Variants in ACYP2 observed in about 807,000 individuals in gnomAD.
ACYP2 encodes acylphosphatase-2.
Under a neutral mutation model 11.2 loss-of-function variants are expected in ACYP2, and 12 were observed. The observed-to-expected ratio is 1.08, with a 90% CI of 0.69 to 1.74. The LOEUF is 1.74. Ranked by LOEUF, ACYP2 falls within the 40% of genes most tolerant of loss-of-function variation. The pLI is 0.00. For missense variants in ACYP2, 134 were observed against 101.9 expected, an observed-to-expected ratio of 1.31 and a Z score of -1.35; for synonymous variants, 43 against 32.2, an observed-to-expected ratio of 1.33 and a Z score of -1.13.
chr2:54,147,320 G>A lies in ACYP2; in HGVS notation c.404+8572G>A. ...ACTTATGGGCTTGAGGAATGGTGGT[G>A]ACTGGGTGGGGAACTGGCATTTTTG... On this transcript the variant is annotated intron_variant, in intron 6 of 6. Coordinates refer to ENST00000607452, the MANE Select transcript of ACYP2 (RefSeq NM_001320586.2). 1.3e-5 allele frequency among the ~76,000 whole-genome samples: 2 copies of A among 152,104 alleles called. 1 individual carries two copies. Among genetic ancestry groups the A allele is most frequent in the Non-Finnish European group, 2.9e-5 (2 of 68,020 alleles).
chr2:54,233,145 A>G (rs1686315972), intron 6 of ACYP2, among the ~76,000 whole-genome samples: 1 of 151,792 alleles, frequency 6.6e-6, no homozygotes, highest in South Asian at 2.1e-4. Context: ...TATTAATGTG[A>G]TAAGTTACAC....
chr2:54,081,663 A>G lies in ACYP2; in HGVS notation c.277+24303A>G, dbSNP rs554059481. ...CAACGTTAAGGCTATTCACAATGTTAACTGATGCATGACTCTACATACCTG... is the reference window on the plus strand; with the variant it reads ...CAACGTTAAGGCTATTCACAATGTTGACTGATGCATGACTCTACATACCTG... On this transcript the variant is annotated intron_variant, in intron 4 of 6. Coordinates refer to ENST00000607452, the MANE Select transcript of ACYP2 (RefSeq NM_001320586.2). 9.8e-5 allele frequency among the ~76,000 whole-genome samples: 15 copies of G among 152,334 alleles called. No individual in the cohort carries two copies. In the East Asian group the frequency reaches 2.7e-3, roughly 27 times the overall value.
intron 4 of ACYP2, among the ~76,000 whole-genome samples, chr2:54,103,025 G>A (rs945621902): frequency 2.6e-5 from 4 of 152,122 alleles, no homozygotes; most frequent in African/African-American, 9.7e-5. Context: ...GTTAGGATTG[G>A]GTTATATGCC....
intron 3 of ACYP2, among the ~76,000 whole-genome samples, chr2:54,052,949 G>C (rs150361077): frequency 6.6e-6 from 1 of 152,324 alleles, no homozygotes; most frequent in East Asian, 1.9e-4. Flanking sequence ...TCCCTTCACT[G>C]ACTCATCTAT....
At chr2:54,020,172 G>A (rs1673926765) in intron 2 of ACYP2, among the ~76,000 whole-genome samples, 1 of 151,974 alleles carries the variant, frequency 6.6e-6, no homozygotes, top group African/African-American at 2.4e-5. Context: ...CCTGATCTCA[G>A]GTGATTCACC....
At chr2:54,169,245 G>A (rs997983890) in intron 6 of ACYP2, among the ~76,000 whole-genome samples, 5 of 152,108 alleles carry the variant, frequency 3.3e-5, no homozygotes, top group African/African-American at 1.2e-4. Flanking sequence ...GCATGCTTGC[G>A]TTCTTGGGTC....
At chr2:54,266,540 A>C (rs555492487) in intron 6 of ACYP2, among the ~76,000 whole-genome samples, 9 of 148,270 alleles carry the variant, frequency 6.1e-5, no homozygotes, top group African/African-American at 2.2e-4. Context: ...ATAGATATAG[A>C]TATAGCTAGA....
intron 4 of ACYP2, among the ~76,000 whole-genome samples, chr2:54,124,827 C>T (rs747192329): frequency 1.3e-5 from 2 of 152,182 alleles, no homozygotes; most frequent in Admixed American, 6.5e-5. Context: ...TCTATCCTCC[C>T]TAATAGCTGG....
At chr2:54,158,763 C>T (rs1458122586) in intron 6 of ACYP2, among the ~76,000 whole-genome samples, 1 of 152,126 alleles carries the variant, frequency 6.6e-6, no homozygotes, top group Non-Finnish European at 1.5e-5. Context: ...GGAAGTTTTG[C>T]TCTCTTCTGT....
At chr2:54,158,398 G>T (rs879603614) in intron 6 of ACYP2, among the ~76,000 whole-genome samples, 1 of 151,660 alleles carries the variant, frequency 6.6e-6, no homozygotes, top group Non-Finnish European at 1.5e-5. Flanking sequence ...TAGAGACGGG[G>T]TCTCACTGTG....
intron 6 of ACYP2, chr2:54,255,086 C>T (rs1465893390): frequency 6.2e-7 from 1 of 1,614,084 alleles, no homozygotes; most frequent in East Asian, 2.2e-5. Context: ...AGGCTGTGGT[C>T]TGAAAACCAG....
intron 6 of ACYP2, among the ~76,000 whole-genome samples, chr2:54,290,432 C>G (rs78057819): frequency 0.038 from 5,840 of 152,088 alleles, 156 homozygotes; most frequent in South Asian, 0.1. Flanking sequence ...ATCAGCAAGC[C>G]GGGAAAATAC....
intron 6 of ACYP2, chr2:54,254,678 T>C (rs1687403238): frequency 5.8e-6 from 3 of 517,178 alleles, no homozygotes; most frequent in South Asian, 2.9e-5. Flanking sequence ...CTTAGAAGGA[T>C]GTGACCCATC....
intron 6 of ACYP2, among the ~76,000 whole-genome samples, chr2:54,194,166 A>T (rs891459209): frequency 3.3e-5 from 5 of 152,128 alleles, no homozygotes; most frequent in Non-Finnish European, 7.4e-5. Flanking sequence ...CAGCCTCCCA[A>T]GTAGCTGGTA....
At chr2:54,259,552 C>T (rs1687692976) in intron 6 of ACYP2, among the ~76,000 whole-genome samples, 1 of 151,582 alleles carries the variant, frequency 6.6e-6, no homozygotes, top group South Asian at 2.1e-4. Context: ...AGCTGTGTCA[C>T]AGGGTGCTCA....
At chr2:53,985,508 T>C (rs1255636357) in intron 2 of ACYP2, among the ~76,000 whole-genome samples, 6 of 152,164 alleles carry the variant, frequency 3.9e-5, no homozygotes, top group Admixed American at 6.6e-5. Flanking sequence ...ATATATGTTC[T>C]CCAAAAGATA....
At chr2:54,013,400 A>C (rs931405195) in intron 2 of ACYP2, among the ~76,000 whole-genome samples, 14 of 151,084 alleles carry the variant, frequency 9.3e-5, no homozygotes, top group African/African-American at 3.2e-4. Context: ...TGCCAGGTCC[A>C]ACCGATTCTT....
intron 6 of ACYP2, chr2:54,255,176 T>C: frequency 6.2e-7 from 1 of 1,613,858 alleles, no homozygotes; most frequent in Non-Finnish European, 8.5e-7. Context: ...ATGATTAGAG[T>C]GGAAAAAGAC....
chr2:54,062,931 G>A (rs1397199234), intron 4 of ACYP2, among the ~76,000 whole-genome samples: 2 of 152,116 alleles, frequency 1.3e-5, no homozygotes, highest in African/African-American at 4.8e-5. Context: ...GTTATTAAAG[G>A]CTTAAGAATT....
Sources: gnomAD v4.1 joint callset for allele counts (sites outside exome capture counted in the v4.1 genomes callset) on GRCh38, gnomAD v4.1.1 for gene constraint, MANE v1.5 for transcripts, NCBI Gene and HGNC (gene_info 2026-07-23, HGNC 2026-07-21) for gene names.